Variants in FMN1 observed in about 807,000 individuals in gnomAD.
The protein encoded by FMN1 is formin 1.
In FMN1, 110 loss-of-function variants were observed where a neutral mutation model predicts 132.4. That is an observed-to-expected ratio of 0.83 (90% CI 0.71 to 0.97). The LOEUF is 0.97. Ranked by LOEUF, FMN1 falls within the 50% of genes least tolerant of loss-of-function variation. The pLI, the probability that FMN1 is intolerant of heterozygous loss-of-function variation, is 0.00. For synonymous variants in FMN1, 722 were observed against 651.7 expected, an observed-to-expected ratio of 1.11 and a Z score of -1.64; for missense variants, 1,792 against 1,705.3, an observed-to-expected ratio of 1.05 and a Z score of -0.90.
At position 33,120,921 on chromosome 15, in the gene FMN1, T is replaced by C. The variant is rs570849033; in HGVS notation, c.1868-31947A>G. Among the ~76,000 whole-genome samples the C allele has an allele frequency of 2.5e-4, 38 of 152,332 alleles. 2 individuals carry two copies. The South Asian group carries it at 6.6e-3, about 27-fold the overall frequency. On this transcript the variant is annotated intron_variant, in intron 4 of 20. Transcript: ENST00000616417. ...CCTGTTGCACTATACACTGAACTAC[T>C]TATAGTACAGTAAGCCCATCATCTT...
At chr15:32,978,305 A>G (rs114839269) in intron 7 of FMN1, among the ~76,000 whole-genome samples, 2,077 of 152,352 alleles carry the variant, frequency 0.014, 43 homozygotes, top group African/African-American at 0.047. Context: ...TACTTGAGAC[A>G]CAAAACAAAA....
At chr15:32,999,787 C>T (rs1261490157) in intron 7 of FMN1, among the ~76,000 whole-genome samples, 1 of 152,240 alleles carries the variant, frequency 6.6e-6, no homozygotes, top group Non-Finnish European at 1.5e-5. Flanking sequence ...TACTTTCAAA[C>T]TGCTTAAGGT....
In FMN1 at chr15:32,911,856, C is replaced by A. The variant is rs2141673043; in HGVS notation, c.3227-1321G>T. On this transcript the variant is annotated intron_variant, in intron 10 of 20. Transcript: ENST00000616417. ...AATGTGAAACCAGTAAAGAAAAATG[C>A]AGTTTAAGGACAGAAAGAAAGGATT... Among the ~76,000 whole-genome samples, 2 of 152,054 alleles carry A rather than the reference C, an allele frequency of 1.3e-5. 1 individual carries two copies. The highest frequency in any genetic ancestry group is 4.2e-4 in the South Asian group (2 of 4,818).
intron 6 of FMN1, among the ~76,000 whole-genome samples, chr15:33,046,056 G>C (rs561720278): frequency 6.6e-6 from 1 of 151,940 alleles, no homozygotes. Context: ...TATTAGCTAA[G>C]ATTTTAATTT....
intron 4 of FMN1, among the ~76,000 whole-genome samples, chr15:33,123,855 A>G (rs1962795889): frequency 1.3e-5 from 2 of 152,186 alleles, no homozygotes; most frequent in African/African-American, 2.4e-5. Flanking sequence ...ATATAACCAA[A>G]AAGTCCAGGA....
chr15:33,103,709 A>T (rs1369324157), intron 4 of FMN1, among the ~76,000 whole-genome samples: 1 of 152,120 alleles, frequency 6.6e-6, no homozygotes, highest in Non-Finnish European at 1.5e-5. Flanking sequence ...TATGTAGAAG[A>T]GTATTTAAGG....
At chr15:32,834,902 G>A (rs904866011) in intron 17 of FMN1, among the ~76,000 whole-genome samples, 1 of 152,118 alleles carries the variant, frequency 6.6e-6, no homozygotes, top group Non-Finnish European at 1.5e-5. Flanking sequence ...TTTTATTCAG[G>A]TGAACCCTTC....
At chr15:33,008,678 T>C (rs1038755218) in intron 6 of FMN1, among the ~76,000 whole-genome samples, 7 of 152,168 alleles carry the variant, frequency 4.6e-5, no homozygotes, top group Non-Finnish European at 1.0e-4. Context: ...AGTCTAATAA[T>C]GTTTATTTCA....
At chr15:32,973,933 A>G (rs1259702733) in intron 7 of FMN1, among the ~76,000 whole-genome samples, 2 of 152,302 alleles carry the variant, frequency 1.3e-5, no homozygotes, top group East Asian at 3.9e-4. Flanking sequence ...AGCTAGAAAG[A>G]CTGGTAATGA....
intron 17 of FMN1, among the ~76,000 whole-genome samples, chr15:32,856,812 C>T (rs1033852920): frequency 6.6e-6 from 1 of 152,130 alleles, no homozygotes; most frequent in African/African-American, 2.4e-5. Flanking sequence ...AAATATTAAA[C>T]TGGATTTGAA....
chr15:32,969,584 A>G (rs1296292819), intron 7 of FMN1, 107 bp from the exon 8 acceptor site: 15 of 1,233,136 alleles, frequency 1.2e-5, no homozygotes, highest in Non-Finnish European at 1.7e-5. Context: ...CATGGCCCAC[A>G]TAAATGCAGG....
intron 19 of FMN1, among the ~76,000 whole-genome samples, chr15:32,794,365 C>G (rs183239744): frequency 2.3e-4 from 35 of 152,276 alleles, no homozygotes; most frequent in Admixed American, 1.1e-3. Flanking sequence ...TGCTTTGGCT[C>G]AGGGTGAATT....
chr15:33,075,540 C>T (rs1431800929), intron 5 of FMN1, among the ~76,000 whole-genome samples: 2 of 152,158 alleles, frequency 1.3e-5, no homozygotes, highest in Admixed American at 6.5e-5. Flanking sequence ...TTGGATTCTT[C>T]CATCTGTGTC....
rs2056170578 is a variant in FMN1, at chr15:32,769,876, GTGGAAGCTTTTTC to G, written c.*4421_*4433del. ...ACTAATACAAAACAAATTTTAAAAA[GTGGAAGCTTTTTC>G]TTTCCTCTCCACTTTTTGGCCATTT... On this transcript the variant is annotated 3_prime_UTR_variant, in exon 21 of 21. Transcript: ENST00000616417. The G allele has an allele frequency of 6.6e-6, 1 of 152,178 alleles. No homozygotes were observed. The highest frequency in any genetic ancestry group is 2.4e-5 in the African/African-American group (1 of 41,438). The allele number at this position is 152,178 out of a possible 1,614,324, so 9.4% of individuals were successfully genotyped here.
intron 15 of FMN1, among the ~76,000 whole-genome samples, chr15:32,895,617 TG>T (rs2060134547): frequency 6.6e-6 from 1 of 152,152 alleles, no homozygotes; most frequent in Admixed American, 6.5e-5. Flanking sequence ...ATGACAGTCC[TG>T]AGAAAGGTTT....
intron 2 of FMN1, among the ~76,000 whole-genome samples, chr15:33,192,583 T>G (rs1370571504): frequency 6.6e-6 from 1 of 152,208 alleles, no homozygotes; most frequent in East Asian, 1.9e-4. Context: ...TAAGTACTTG[T>G]GAAGGCTGGT....
At chr15:32,823,169 T>TTG (rs1555464777) in intron 17 of FMN1, among the ~76,000 whole-genome samples, 22 of 117,428 alleles carry the variant, frequency 1.9e-4, no homozygotes, top group East Asian at 8.9e-4. Context: ...TTTTTTTTTT[T>TTG]TTTTTTTTTT....
intron 9 of FMN1, among the ~76,000 whole-genome samples, chr15:32,957,210 A>C (rs561210369): frequency 6.6e-6 from 1 of 152,254 alleles, no homozygotes; most frequent in African/African-American, 2.4e-5. Flanking sequence ...GGCATCTCAA[A>C]AAAGGAGGAA....
At position 33,048,517 on chromosome 15, in the gene FMN1, T is replaced by C. The variant is rs527852918; in HGVS notation, c.2161+16440A>G. Among the ~76,000 whole-genome samples the C allele has an allele frequency of 5.9e-4, 90 of 151,604 alleles. No homozygotes were observed. The South Asian group carries it at 0.018, about 30-fold the overall frequency. Reference sequence around the variant, plus strand: ...TAAAAGTTTCTAACAGTTACCATTATATCATGTAATTGAGACTACTAAAAA... The same window carrying C: ...TAAAAGTTTCTAACAGTTACCATTACATCATGTAATTGAGACTACTAAAAA... On this transcript the variant is annotated intron_variant, in intron 6 of 20. Transcript: ENST00000616417.
Sources: allele counts gnomAD v4.1 joint callset (sites outside exome capture counted in the v4.1 genomes callset), GRCh38; gene constraint gnomAD v4.1.1; transcripts MANE v1.5; gene names NCBI Gene and HGNC (gene_info 2026-07-23, HGNC 2026-07-21).